BDP1: variants seen among roughly 807,000 people sequenced by gnomAD.
BDP1 encodes the protein BDP1 general transcription factor IIIB subunit.
A neutral mutation model predicts 266.6 loss-of-function variants in BDP1; 169 were observed. The ratio of observed to expected loss-of-function variants is 0.63; its 90% CI spans 0.56 to 0.72. The LOEUF (loss-of-function observed/expected upper bound fraction) is 0.72. Among genes scored for constraint, BDP1 ranks in the 30% least tolerant of loss-of-function variants. BDP1 has a pLI of 0.00. For missense variants in BDP1, 3,015 were observed against 3,053.8 expected (o/e 0.99, Z 0.30); for synonymous variants, 1,090 against 1,022.4 (o/e 1.07, Z -1.26).
At chr5:71,498,973 G>A (rs747854091) in intron 13 of BDP1, among the ~76,000 whole-genome samples, 5 of 151,254 alleles carry the variant, frequency 3.3e-5, no homozygotes, top group South Asian at 2.1e-4. Context: ...ATCCGTGTGC[G>A]TTGGCCTCTC....
At chr5:71,491,546 G>T (rs1763595746) in intron 11 of BDP1, among the ~76,000 whole-genome samples, 1 of 151,888 alleles carries the variant, frequency 6.6e-6, no homozygotes, top group East Asian at 1.9e-4. Flanking sequence ...ACCCTCAATA[G>T]ATTTTTTATG....
rs532378961 is a variant in BDP1, at chr5:71,509,924, A to G, written c.2832A>G (p.Pro944=). 2.5e-6 allele frequency: 4 copies of G among 1,614,112 alleles called. No individual in the cohort carries two copies. In the East Asian group the frequency reaches 6.7e-5, roughly 27 times the overall value. ...RREISPQKNG[P]EEVKPLGEVE... ...AAATATCCCCACAGAAAAATGGCCC[A>G]GAGGAGGTTAAGCCTCTAGGTGAAG... Residue 944 remains proline (P), a synonymous_variant, in exon 17 of 39, where the codon CCA becomes CCG. Coordinates refer to ENST00000358731, the MANE Select transcript of BDP1 (RefSeq NM_018429.3).
chr5:71,510,460 G>A lies in BDP1; in HGVS notation c.3368G>A (p.Arg1123Lys), dbSNP rs1224738005. 1 of 1,613,076 alleles carries A rather than the reference G, an allele frequency of 6.2e-7. No homozygotes were observed. Among genetic ancestry groups the A allele is most frequent in the South Asian group, 1.1e-5 (1 of 91,014 alleles). Residue 1123 changes from arginine to lysine, a missense_variant, in exon 17 of 39, where the codon AGG becomes AAG. This residue lies in a region of BDP1 where 2,383 missense variants were observed against 2,404.9 expected (regional missense o/e 0.99). Transcript: ENST00000358731. The part of the protein sequence containing the change: ...EMQTDLKATG[R>K]EISPREKTPE... ...CAAACAGATTTGAAAGCAACCGGAAGGGAGATTTCCCCAAGGGAGAAGACA... is the reference window on the plus strand; with the variant it reads ...CAAACAGATTTGAAAGCAACCGGAAAGGAGATTTCCCCAAGGGAGAAGACA...
At chr5:71,563,416 C>G (rs924706279) in intron 38 of BDP1, among the ~76,000 whole-genome samples, 12 of 152,156 alleles carry the variant, frequency 7.9e-5, no homozygotes, top group African/African-American at 2.9e-4. Flanking sequence ...GAATTACAGG[C>G]ATGAGCCACT....
chr5:71,461,904 C>A lies in BDP1; in HGVS notation c.577C>A (p.Leu193Ile). The A allele has an allele frequency of 9.7e-6, 15 of 1,551,038 alleles. No individual in the cohort carries two copies. Among genetic ancestry groups the A allele is most frequent in the Non-Finnish European group, 1.2e-5 (14 of 1,129,006 alleles). The change falls in exon 3 of 39, where the codon CTA becomes ATA. Residue 193 changes from leucine (L) to isoleucine (I), a missense_variant. By Grantham distance (5) the Leu-to-Ile change is conservative. Coordinates refer to ENST00000358731, the MANE Select transcript of BDP1 (RefSeq NM_018429.3). ...GACTATGAGAGACTTCATATATTAT[C>A]TACCAGATAATAATCCAATGACGTA... ...KMTMRDFIYYLPDNNPMTSSL... is the reference protein window; with the variant it reads ...KMTMRDFIYYIPDNNPMTSSL...
chr5:71,509,451 T>C lies in BDP1; in HGVS notation c.2373-14T>C, dbSNP rs403576. The C allele has an allele frequency of 1.6e-4, 114 of 708,114 alleles. No homozygotes were observed. Among genetic ancestry groups the C allele is most frequent in the East Asian group, 7.1e-4 (13 of 18,222 alleles). 43.9% of individuals were successfully genotyped at this position (708,114 alleles called of 1,614,324 possible). A position where few individuals can be genotyped will look rare whatever the true frequency, so the allele number is the denominator to read the frequency against. On this transcript the variant is annotated splice_polypyrimidine_tract_variant and intron_variant, in intron 16 of 38. Transcript: ENST00000358731. ...GTTTAAAACTTGATTGTGTGCCCCC[T>C]TTTTTTTTTATAGCGTTCAAGAGAA...
chr5:71,543,608 T>C (rs1263755516), intron 30 of BDP1, among the ~76,000 whole-genome samples: 1 of 152,138 alleles, frequency 6.6e-6, no homozygotes, highest in African/African-American at 2.4e-5. Flanking sequence ...AAGAAAATTA[T>C]AAGGAAGAGA....
downstream of BDP1, among the ~76,000 whole-genome samples, chr5:71,572,176 C>G (rs1039255329): frequency 2.0e-5 from 3 of 152,180 alleles, no homozygotes; most frequent in Non-Finnish European, 4.4e-5. Flanking sequence ...CTCACTATCT[C>G]TTTTGCCTAA....
At chr5:71,557,531 C>A (rs900248088) in intron 36 of BDP1, among the ~76,000 whole-genome samples, 1 of 151,910 alleles carries the variant, frequency 6.6e-6, no homozygotes, top group East Asian at 1.9e-4. Flanking sequence ...ACTACAGGCA[C>A]CTGCCACCAC....
At chr5:71,462,533 C>T (rs939276433) in intron 3 of BDP1, among the ~76,000 whole-genome samples, 4 of 151,972 alleles carry the variant, frequency 2.6e-5, no homozygotes, top group Non-Finnish European at 5.9e-5. Context: ...GTGTGTGGGC[C>T]GCCTGAGTCC....
intron 34 of BDP1, among the ~76,000 whole-genome samples, chr5:71,551,484 C>A (rs928183813): frequency 9.2e-5 from 14 of 152,314 alleles, no homozygotes; most frequent in Admixed American, 3.9e-4. Flanking sequence ...AGTACAGAAC[C>A]AAATGAAAAG....
In BDP1 at chr5:71,510,685, C is replaced by G; in HGVS notation, c.3593C>G (p.Thr1198Arg). The change falls in exon 17 of 39, where the codon ACA becomes AGA. Residue 1198 changes from threonine to arginine, a missense_variant. Thr to Arg is a moderately conservative substitution (Grantham distance 71). Around this residue, in one of 3 missense-constraint regions of BDP1, gnomAD observed 2,383 missense variants for 2,404.9 expected, o/e 0.99. Transcript: ENST00000358731. The stretch of plus-strand genomic sequence containing the variant: ...ATTGATGCTGCTGAGGTAATAGAGA[C>G]AGATTTGGAAGAAACTGAAAGAGAA... The part of the protein sequence containing the change: ...EVIDAAEVIE[T>R]DLEETEREIS... 1 of 1,608,088 alleles carries G rather than the reference C, an allele frequency of 6.2e-7. No homozygotes were observed. Among genetic ancestry groups the G allele is most frequent in the Non-Finnish European group, 8.5e-7 (1 of 1,178,422 alleles).
the BDP1 span, among the ~76,000 whole-genome samples, chr5:71,578,043 G>C: frequency 1.3e-5 from 2 of 152,124 alleles, no homozygotes; most frequent in Non-Finnish European, 2.9e-5. Flanking sequence ...TTCTGTGCCT[G>C]CCCAGAAGGT....
At chr5:71,522,643 A>G in intron 23 of BDP1, 113 bp from the exon 24 acceptor site, 1 of 1,200,560 alleles carries the variant, frequency 8.3e-7, no homozygotes, top group Non-Finnish European at 1.2e-6. Context: ...AAGATGAGCA[A>G]CCAACTGCTT....
intron 25 of BDP1, among the ~76,000 whole-genome samples, chr5:71,530,201 A>AT (rs1003686450): frequency 6.6e-6 from 1 of 151,498 alleles, no homozygotes; most frequent in African/African-American, 2.4e-5. Context: ...GAACTTTAAA[A>AT]TTTTTTTTTG....
chr5:71,562,866 C>G (rs1743778635), intron 38 of BDP1: 4 of 1,294,068 alleles, frequency 3.1e-6, no homozygotes. Flanking sequence ...TCACATGTTT[C>G]ATTTCTATGT....
intron 26 of BDP1, among the ~76,000 whole-genome samples, chr5:71,538,226 G>A (rs964554033): frequency 3.3e-5 from 5 of 152,084 alleles, no homozygotes; most frequent in Non-Finnish European, 7.4e-5. Context: ...TATTTTATTG[G>A]TGATTTTTAT....
Position 71,489,604 on chromosome 5 carries a change from G to C in BDP1, c.1414G>C (p.Ala472Pro). Residue 472 changes from alanine to proline, a missense_variant, in exon 10 of 39, where the codon GCT (alanine) becomes CCT (proline). Physicochemically the swap from Ala to Pro is conservative, Grantham distance 27 (BLOSUM62 -1). Coordinates refer to ENST00000358731, the MANE Select transcript of BDP1 (RefSeq NM_018429.3). Reference protein sequence around the residue: ...KKRRRKKQDGANELGVNNLLE... With the variant: ...KKRRRKKQDGPNELGVNNLLE... ...AAGAAGGAGGAAGAAGCAAGATGGA[G>C]CTAATGAACTGGGAGTAAACAATCT... 1 of 1,614,102 alleles carries C rather than the reference G, an allele frequency of 6.2e-7. No individual in the cohort carries two copies. Among genetic ancestry groups the C allele is most frequent in the Non-Finnish European group, 8.5e-7 (1 of 1,179,978 alleles).
At chr5:71,465,586 A>G (rs1287878663) in intron 4 of BDP1, among the ~76,000 whole-genome samples, 1 of 152,176 alleles carries the variant, frequency 6.6e-6, no homozygotes, top group African/African-American at 2.4e-5. Context: ...TTTAAAAGAG[A>G]GTAAAGACTG....
Sources: allele counts gnomAD v4.1 joint callset (sites outside exome capture counted in the v4.1 genomes callset), GRCh38; gene constraint gnomAD v4.1.1; regional missense constraint gnomAD v4.1.1; transcripts MANE v1.5; gene names NCBI Gene and HGNC (gene_info 2026-07-23, HGNC 2026-07-21).